The following MYO5B variants were observed in gnomAD, a reference collection of about 807,000 sequenced individuals.
MYO5B encodes unconventional myosin-Vb.
In MYO5B, 143 loss-of-function variants were observed where a neutral mutation model predicts 229.3. The ratio of observed to expected loss-of-function variants is 0.62; its 90% CI spans 0.54 to 0.72. MYO5B has a LOEUF of 0.72. Among genes scored for constraint, MYO5B ranks in the 30% least tolerant of loss-of-function variants. The pLI is 0.00. For synonymous variants in MYO5B, 918 were observed against 885.2 expected (o/e 1.04, Z -0.66); for missense variants, 2,321 against 2,331.0 (o/e 1.00, Z 0.09).
At chr18:49,946,114 C>T (rs535630974) in intron 14 of MYO5B, among the ~76,000 whole-genome samples, 4 of 24,012 alleles carry the variant, frequency 1.7e-4, no homozygotes, top group Admixed American at 5.0e-4. Context: ...GTAGCTTTTA[C>T]TGTAAAAAAA....
In MYO5B at chr18:49,875,794, T is replaced by C. The variant is rs767178096; in HGVS notation, c.3430A>G (p.Thr1144Ala). 14 of 1,614,038 alleles carry C rather than the reference T, an allele frequency of 8.7e-6. No homozygotes were observed. In the African/African-American group the frequency reaches 1.3e-4, roughly 15 times the overall value. ...IGLEKAAMDM[T>A]VFLKLQKRVR... Reference sequence around the variant, plus strand: ...CTCTTCTGCAGCTTCAGGAAGACCGTCATGTCCATGGCTGCCTTCTCCAGG... The same window carrying C: ...CTCTTCTGCAGCTTCAGGAAGACCGCCATGTCCATGGCTGCCTTCTCCAGG... The change falls in exon 26 of 40, where the codon ACG becomes GCG. Residue 1144 changes from threonine to alanine, a missense_variant. This residue lies in a region of MYO5B where 2,113 missense variants were observed against 2,044.7 expected (regional missense o/e 1.03). Transcript: ENST00000285039.
chr18:50,001,275 C>G lies in MYO5B; in HGVS notation c.592G>C (p.Ala198Pro). 6.2e-7 allele frequency: 1 copy of G among 1,614,204 alleles called. No individual in the cohort carries two copies. The change falls in exon 5 of 40, where the codon GCA becomes CCA. Residue 198 changes from alanine to proline, a missense_variant. Physicochemically the swap from Ala to Pro is conservative, Grantham distance 27 (BLOSUM62 -1). Around this residue, in one of 2 missense-constraint regions of MYO5B, gnomAD observed 2,113 missense variants for 2,044.7 expected, o/e 1.03. Transcript: ENST00000285039. ...SETNIEEKVL[A>P]SSPIMEAIGN... is the part of the protein sequence containing the mutation. ...TTTACCTCCATGATGGGACTGGATG[C>G]CAGCACCTTCTCTTCGATGTTGGTT...
chr18:50,083,933 C>T (rs551196790), intron 1 of MYO5B, among the ~76,000 whole-genome samples: 2 of 152,338 alleles, frequency 1.3e-5, no homozygotes, highest in East Asian at 3.9e-4. Context: ...CAAACTGCCA[C>T]AGAAGTTTCA....
intron 14 of MYO5B, among the ~76,000 whole-genome samples, chr18:49,944,815 A>G (rs1261902037): frequency 1.3e-5 from 2 of 151,918 alleles, no homozygotes; most frequent in African/African-American, 4.8e-5. Flanking sequence ...TTTACCATCG[A>G]TCACCTCGAG....
intron 9 of MYO5B, among the ~76,000 whole-genome samples, chr18:49,978,384 C>G (rs1427966498): frequency 1.3e-5 from 2 of 152,142 alleles, no homozygotes; most frequent in African/African-American, 4.8e-5. Context: ...AGACACTTCA[C>G]TTACAGGCTT....
intron 1 of MYO5B, among the ~76,000 whole-genome samples, chr18:50,078,703 C>A (rs2031145537): frequency 1.3e-5 from 2 of 152,122 alleles, no homozygotes; most frequent in South Asian, 4.1e-4. Flanking sequence ...GAGCATAAGA[C>A]CCACCACACC....
intron 1 of MYO5B, among the ~76,000 whole-genome samples, chr18:50,194,204 G>A (rs912035066): frequency 6.6e-6 from 1 of 152,170 alleles, no homozygotes; most frequent in East Asian, 1.9e-4. Flanking sequence ...GCGCCCTCAC[G>A]CCAGGTTGTC....
Position 50,180,084 on chromosome 18 carries a change from G to A in MYO5B, c.27+14683C>T, listed in dbSNP as rs549419276. Among the ~76,000 whole-genome samples, 5 of 152,284 alleles carry A rather than the reference G, an allele frequency of 3.3e-5. No individual in the cohort carries two copies. In the East Asian group the frequency reaches 9.7e-4, roughly 29 times the overall value. ...ATTCCTAAGGGCCTTCTCCACACCT[G>A]AAAAGGAAAAGCATGTTGTAACCTC... On this transcript the variant is annotated intron_variant, in intron 1 of 39. Coordinates refer to ENST00000285039, the MANE Select transcript of MYO5B (RefSeq NM_001080467.3).
chr18:50,116,779 G>A (rs1217722816), intron 1 of MYO5B, among the ~76,000 whole-genome samples: 2 of 150,808 alleles, frequency 1.3e-5, no homozygotes, highest in African/African-American at 4.9e-5. Flanking sequence ...AGGGTATTCA[G>A]GAGTCTTTAA....
chr18:49,929,348 T>C lies in MYO5B; in HGVS notation c.2090+164A>G, dbSNP rs2298626. On this transcript the variant is annotated intron_variant, in intron 17 of 39. Transcript: ENST00000285039. ...TAACCTTCCCAATTTTTCAGGCTAA[T>C]GTGAGAGTCTCATTTCCATCAGCAT... Among the ~76,000 whole-genome samples the C allele has an allele frequency of 0.049, 7,407 of 152,246 alleles. 470 individuals carry two copies. The highest frequency in any genetic ancestry group is 0.15 in the East Asian group (772 of 5,168).
At chr18:50,046,950 A>G (rs1183539769) in intron 2 of MYO5B, among the ~76,000 whole-genome samples, 1 of 152,212 alleles carries the variant, frequency 6.6e-6, no homozygotes, top group Non-Finnish European at 1.5e-5. Context: ...AAGATGGATT[A>G]AAGACTTACA....
intron 14 of MYO5B, among the ~76,000 whole-genome samples, chr18:49,948,916 C>A (rs1453308289): frequency 6.6e-6 from 1 of 152,108 alleles, no homozygotes; most frequent in African/African-American, 2.4e-5. Context: ...ATTGTAGGTC[C>A]CTGTCATTGA....
At chr18:49,933,437 C>T (rs2025216226) in intron 16 of MYO5B, among the ~76,000 whole-genome samples, 1 of 152,182 alleles carries the variant, frequency 6.6e-6, no homozygotes, top group Admixed American at 6.5e-5. Context: ...TGTCCTAGCC[C>T]AGTGCCTAGT....
intron 4 of MYO5B, among the ~76,000 whole-genome samples, chr18:50,019,881 C>CT (rs1396737362): frequency 6.6e-6 from 1 of 152,194 alleles, no homozygotes; most frequent in African/African-American, 2.4e-5. Flanking sequence ...CTGTGTCCCT[C>CT]TTTCTCTTGC....
At chr18:50,103,063 C>T (rs557346642) in intron 1 of MYO5B, among the ~76,000 whole-genome samples, 9 of 152,370 alleles carry the variant, frequency 5.9e-5, no homozygotes, top group South Asian at 2.1e-4. Flanking sequence ...TCCCCTGCCC[C>T]GCCTGTCCTT....
chr18:49,992,466 A>G (rs1207384755), intron 5 of MYO5B, 35 bp from the exon 6 acceptor site: 2 of 1,614,104 alleles, frequency 1.2e-6, no homozygotes, highest in Middle Eastern at 1.7e-4. Context: ...TATGAAAAAA[A>G]AAGAGGGCTT....
At chr18:49,971,495 A>C (rs1394060562) in intron 10 of MYO5B, among the ~76,000 whole-genome samples, 4 of 152,174 alleles carry the variant, frequency 2.6e-5, no homozygotes, top group Non-Finnish European at 1.5e-5. Context: ...AAGAAATGAT[A>C]TCACTGACCT....
At chr18:49,858,205 T>C (rs1557354) in intron 29 of MYO5B, among the ~76,000 whole-genome samples, 11,372 of 152,284 alleles carry the variant, frequency 0.075, 946 homozygotes, top group East Asian at 0.31. Context: ...ATCATTAACA[T>C]CAACATAGAC....
intron 5 of MYO5B, among the ~76,000 whole-genome samples, chr18:49,995,021 G>A (rs1230679371): frequency 1.3e-5 from 2 of 152,100 alleles, no homozygotes; most frequent in Non-Finnish European, 1.5e-5. Context: ...GTCAAGTCAC[G>A]TGCTTGAGGT....
Sources: gnomAD v4.1 joint callset for allele counts (sites outside exome capture counted in the v4.1 genomes callset) on GRCh38, gnomAD v4.1.1 for gene constraint, gnomAD v4.1.1 regional missense constraint, MANE v1.5 for transcripts, NCBI Gene and HGNC (gene_info 2026-07-23, HGNC 2026-07-21) for gene names.